The following TNIK variants were observed in gnomAD, a reference collection of about 807,000 sequenced individuals.
The protein encoded by TNIK is TRAF2 and NCK interacting kinase.
A neutral mutation model predicts 191.3 loss-of-function variants in TNIK; 49 were observed. That is an observed-to-expected ratio of 0.26 (90% CI 0.20 to 0.32). The LOEUF is 0.32. TNIK is among the 10% of genes least tolerant of loss of function. TNIK has a pLI of 1.00. For missense variants in TNIK, 1,155 were observed against 1,702.3 expected (o/e 0.68, Z 5.66); for synonymous variants, 594 against 600.9 (o/e 0.99, Z 0.17).
intron 2 of TNIK, among the ~76,000 whole-genome samples, chr3:171,315,339 G>A (rs953326612): frequency 1.3e-5 from 2 of 152,078 alleles, no homozygotes; most frequent in Non-Finnish European, 1.5e-5. Context: ...CAACTGAAAT[G>A]GAACAAATAT....
At chr3:171,296,800 A>G (rs1752332975) in intron 2 of TNIK, among the ~76,000 whole-genome samples, 1 of 152,340 alleles carries the variant, frequency 6.6e-6, no homozygotes, top group Middle Eastern at 3.4e-3. Flanking sequence ...ACTTTTATCT[A>G]GAACACAAGT....
intron 12 of TNIK, among the ~76,000 whole-genome samples, chr3:171,156,236 G>T (rs577717147): frequency 4.6e-5 from 7 of 152,304 alleles, no homozygotes; most frequent in African/African-American, 1.7e-4. Flanking sequence ...TATTATTGTT[G>T]CTGGTCTGAT....
At chr3:171,246,100 GGA>G (rs1265310905) in intron 2 of TNIK, among the ~76,000 whole-genome samples, 1 of 152,134 alleles carries the variant, frequency 6.6e-6, no homozygotes. Flanking sequence ...GTGTGCTGCA[GGA>G]GAGGGTGAGA....
intron 2 of TNIK, among the ~76,000 whole-genome samples, chr3:171,316,951 CATATAAAATATATAATTATATGATATATA>C (rs1754681423): frequency 1.2e-5 from 1 of 83,934 alleles, no homozygotes; most frequent in African/African-American, 4.3e-5. Context: ...TGATATATAT[CATATAAAATATATAATTATATGATATATA>C]TCATATAAAA....
intron 2 of TNIK, among the ~76,000 whole-genome samples, chr3:171,280,972 G>C (rs918113149): frequency 7.2e-5 from 11 of 152,162 alleles, no homozygotes; most frequent in African/African-American, 2.2e-4. Context: ...ATGGTGCTTA[G>C]GAACCTACTG....
intron 2 of TNIK, among the ~76,000 whole-genome samples, chr3:171,278,639 AGTCTGCT>A (rs1560362923): frequency 1.3e-5 from 2 of 152,220 alleles, no homozygotes; most frequent in Non-Finnish European, 1.5e-5. Flanking sequence ...AGTAAGTGAT[AGTCTGCT>A]AAGGAAACCA....
Position 171,435,769 on chromosome 3 carries a change from G to A in TNIK, c.57+24238C>T, listed in dbSNP as rs184249603. 2.1e-3 allele frequency among the ~76,000 whole-genome samples: 323 copies of A among 152,086 alleles called. 2 individuals are homozygous for A. Among genetic ancestry groups the A allele is most frequent in the African/African-American group, 7.3e-3 (301 of 41,480 alleles). The stretch of plus-strand genomic sequence containing the variant: ...CCATACTGTTAATTAGCAATTTTTA[G>A]GGTTTTTCATACAAAGCAAGAAACA... On this transcript the variant is annotated intron_variant, in intron 1 of 32. Transcript: ENST00000436636.
intron 2 of TNIK, among the ~76,000 whole-genome samples, chr3:171,242,133 G>A (rs1349794166): frequency 6.7e-6 from 1 of 148,380 alleles, no homozygotes; most frequent in Non-Finnish European, 1.5e-5. Context: ...CCTGTATGTT[G>A]TGCATTTGTA....
intron 3 of TNIK, 43 bp downstream of exon 3, chr3:171,228,122 A>T: frequency 6.2e-7 from 1 of 1,605,364 alleles, no homozygotes; most frequent in Non-Finnish European, 8.5e-7. Context: ...TAAGTCAAGG[A>T]GCATCTGCAT....
chr3:171,315,476 C>T (rs553712233), intron 2 of TNIK, among the ~76,000 whole-genome samples: 57 of 152,222 alleles, frequency 3.7e-4, no homozygotes, highest in South Asian at 4.1e-4. Context: ...AATTAGTTCT[C>T]ATGAACTTCT....
intron 2 of TNIK, among the ~76,000 whole-genome samples, chr3:171,296,186 T>G (rs1752271844): frequency 6.6e-6 from 1 of 152,182 alleles, no homozygotes; most frequent in Non-Finnish European, 1.5e-5. Flanking sequence ...CGACCTGTGC[T>G]TGACCCCCAC....
chr3:171,177,270 T>G, intron 8 of TNIK, 56 bp downstream of exon 8: 2 of 1,561,420 alleles, frequency 1.3e-6, no homozygotes, highest in Non-Finnish European at 1.7e-6. Context: ...GCAAGGAAAC[T>G]TCAGTACCTG....
rs557834056 is a variant in TNIK, at chr3:171,451,574, A to T, written c.57+8433T>A. 2.6e-5 allele frequency among the ~76,000 whole-genome samples: 4 copies of T among 152,384 alleles called. No individual in the cohort carries two copies. In the East Asian group the frequency reaches 7.7e-4, roughly 29 times the overall value. On this transcript the variant is annotated intron_variant, in intron 1 of 32. Transcript: ENST00000436636. ...ATACATAAGTAATAATACAGGCAGCATCTCACCTTAGACCTAAATAATAAG... is the reference window on the plus strand; with the variant it reads ...ATACATAAGTAATAATACAGGCAGCTTCTCACCTTAGACCTAAATAATAAG...
chr3:171,253,595 C>G (rs1334192368), intron 2 of TNIK, among the ~76,000 whole-genome samples: 1 of 136,568 alleles, frequency 7.3e-6, no homozygotes, highest in Non-Finnish European at 1.6e-5. Flanking sequence ...CAGGTCCCCC[C>G]CCCACCCCAC....
intron 19 of TNIK, among the ~76,000 whole-genome samples, chr3:171,109,062 C>A (rs1470328365): frequency 1.3e-5 from 2 of 152,132 alleles, no homozygotes; most frequent in African/African-American, 2.4e-5. Flanking sequence ...TGAACCAGAC[C>A]AGAGAATTAA....
intron 5 of TNIK, among the ~76,000 whole-genome samples, chr3:171,192,083 G>A (rs1738130310): frequency 6.6e-6 from 1 of 152,158 alleles, no homozygotes; most frequent in African/African-American, 2.4e-5. Flanking sequence ...TTCAGCATGA[G>A]AGTACAGAGG....
chr3:171,195,852 A>G (rs1422879201), intron 4 of TNIK, among the ~76,000 whole-genome samples: 2 of 152,174 alleles, frequency 1.3e-5, no homozygotes, highest in East Asian at 3.9e-4. Context: ...TTCCAACCAG[A>G]TAAAAGTTGG....
intron 3 of TNIK, among the ~76,000 whole-genome samples, chr3:171,216,596 T>G (rs1413597691): frequency 1.3e-5 from 2 of 152,196 alleles, no homozygotes; most frequent in Non-Finnish European, 2.9e-5. Context: ...GGCTGGCGTT[T>G]TCCAGTGTGT....
intron 12 of TNIK, among the ~76,000 whole-genome samples, chr3:171,150,048 T>C (rs897028627): frequency 6.6e-6 from 1 of 151,546 alleles, no homozygotes; most frequent in African/African-American, 2.4e-5. Flanking sequence ...GTCCAGTGGG[T>C]AGAAATGCTG....
Sources: allele counts gnomAD v4.1 joint callset (sites outside exome capture counted in the v4.1 genomes callset), GRCh38; gene constraint gnomAD v4.1.1; transcripts MANE v1.5; gene names NCBI Gene and HGNC (gene_info 2026-07-23, HGNC 2026-07-21).